Variants in EEF1AKMT3 observed in about 807,000 individuals in gnomAD.
The protein encoded by EEF1AKMT3 is eEF1A-KMT3.
In EEF1AKMT3, 17 loss-of-function variants were observed where a neutral mutation model predicts 17.8. The ratio of observed to expected loss-of-function variants is 0.96; its 90% CI spans 0.65 to 1.43. The LOEUF is 1.43. EEF1AKMT3 is among the 40% of genes most tolerant of loss of function. EEF1AKMT3 has a pLI of 0.00. For missense variants in EEF1AKMT3, 244 were observed against 285.8 expected (o/e 0.85, Z 1.06); for synonymous variants, 116 against 126.5 (o/e 0.92, Z 0.56).
At chr12:57,778,049 G>A (rs1371695576) in intron 2 of EEF1AKMT3, among the ~76,000 whole-genome samples, 1 of 151,282 alleles carries the variant, frequency 6.6e-6, no homozygotes, top group Non-Finnish European at 1.5e-5. Context: ...TGCCCCGTTG[G>A]TGATCATGAC....
At chr12:57,778,893 C>T (rs1306592606) in intron 2 of EEF1AKMT3, among the ~76,000 whole-genome samples, 1 of 152,046 alleles carries the variant, frequency 6.6e-6, no homozygotes, top group African/African-American at 2.4e-5. Context: ...GAGTCTTGCA[C>T]TTGTTGCCCA....
intron 2 of EEF1AKMT3, among the ~76,000 whole-genome samples, chr12:57,778,293 C>CTTTTTGTTTTTTTTTTT (rs1955492463): frequency 2.3e-5 from 1 of 43,994 alleles, no homozygotes; most frequent in Non-Finnish European, 3.9e-5. Context: ...CCATCCTGAG[C>CTTTTTGTTTTTTTTTTT]TTTTTTTTTT....
Position 57,780,688 on chromosome 12 carries a change from G to C in EEF1AKMT3, c.*42G>C. ...CTTCTCAATCTCTTGCTCTAATGAA[G>C]GAACTGTGTATCTCAAAAACCATAT... On this transcript the variant is annotated 3_prime_UTR_variant, in exon 3 of 3. Transcript: ENST00000300209. The C allele has an allele frequency of 6.3e-7, 1 of 1,594,098 alleles. No individual in the cohort carries two copies. Among genetic ancestry groups the C allele is most frequent in the Non-Finnish European group, 8.5e-7 (1 of 1,178,014 alleles).
rs990107059 is a variant in EEF1AKMT3, at chr12:57,772,961, T to C, written c.178-56T>C. The C allele has an allele frequency of 2.5e-6, 4 of 1,612,996 alleles. No homozygotes were observed. Among genetic ancestry groups the C allele is most frequent in the Non-Finnish European group, 3.4e-6 (4 of 1,179,150 alleles). On this transcript the variant is annotated intron_variant, in intron 1 of 2. Coordinates refer to ENST00000300209, the MANE Select transcript of EEF1AKMT3 (RefSeq NM_015433.3). The surrounding 1 kb of genome is among the most constrained non-coding windows in gnomAD (Gnocchi z 4.1). ...GGAGGTCCAGATCCCGGACTCCGCC[T>C]CTCCCATATGGAGCCATCCTCACGA...
chr12:57,780,466 A>G lies in EEF1AKMT3; in HGVS notation c.501A>G (p.Gln167=). ...TCCCTCTGCTGCTGGGGACCCTCCA[A>G]CACCTGTGCAGGCCCCATGGCACCA... ...PTFPLLLGTL[Q]HLCRPHGTIY... Residue 167 remains glutamine, a synonymous_variant, in exon 3 of 3, where the codon CAA becomes CAG. Transcript: ENST00000300209. 6.2e-7 allele frequency: 1 copy of G among 1,614,188 alleles called. No individual in the cohort carries two copies.
Position 57,772,898 on chromosome 12 carries a change from C to T in EEF1AKMT3, c.174C>T (p.Asp58=). The T allele has an allele frequency of 1.2e-6, 2 of 1,613,868 alleles. No individual in the cohort carries two copies. Among genetic ancestry groups the T allele is most frequent in the Non-Finnish European group, 1.7e-6 (2 of 1,179,866 alleles). ...TCGGGGTGGCGGCGCGCGTGTGGGACGCGGTGAGGAATGGGCTGCGCCGGG... is the reference window on the plus strand; with the variant it reads ...TCGGGGTGGCGGCGCGCGTGTGGGATGCGGTGAGGAATGGGCTGCGCCGGG... ...SRLGVAARVW[D]AALSLCNYFE... The change falls in exon 1 of 3, where the codon GAC becomes GAT. Residue 58 remains aspartate, a synonymous_variant. Coordinates refer to ENST00000300209, the MANE Select transcript of EEF1AKMT3 (RefSeq NM_015433.3). This position sits in a 1 kb window ranked among gnomAD's most constrained non-coding sequence, Gnocchi z 4.1.
rs113423250 is a variant in EEF1AKMT3 at position 57,780,255 on chromosome 12, G to C, written c.290G>C (p.Gly97Ala). Reference sequence around the variant, plus strand: ...ATTTTTCCTCCTTCCTCTCTCTCAGGGGGGGATGTTACCATCACTGACCTG... The same window carrying C: ...ATTTTTCCTCCTTCCTCTCTCTCAGCGGGGGATGTTACCATCACTGACCTG... ...GIVGILAALQ[G>A]GDVTITDLPL... The change falls in exon 3 of 3, where the codon GGG becomes GCG. Residue 97 changes from glycine (G) to alanine (A), a missense_variant and splice_region_variant. Coordinates refer to ENST00000300209, the MANE Select transcript of EEF1AKMT3 (RefSeq NM_015433.3). 1.5e-3 allele frequency: 2,344 copies of C among 1,611,630 alleles called. 1 individual carries two copies. Among genetic ancestry groups the C allele is most frequent in the Non-Finnish European group, 1.7e-3 (2,023 of 1,179,444 alleles).
chr12:57,775,506 C>T (rs974797608), intron 2 of EEF1AKMT3, among the ~76,000 whole-genome samples: 3 of 152,080 alleles, frequency 2.0e-5, no homozygotes, highest in East Asian at 1.9e-4. Context: ...CTCAGCCTCC[C>T]GAGTAGCTGG....
At position 57,781,683 on chromosome 12, in the gene EEF1AKMT3, C is replaced by G. The variant is rs1025957663; in HGVS notation, c.*1037C>G. The G allele has an allele frequency of 2.0e-5, 3 of 152,168 alleles. No homozygotes were observed. Among genetic ancestry groups the G allele is most frequent in the Non-Finnish European group, 2.9e-5 (2 of 68,056 alleles). 9.4% of individuals were successfully genotyped at this position (152,168 alleles called of 1,614,324 possible). ...TTGATTTTTCTTTAGCTTCATCAGT[C>G]CTTCCTTCCTAATCTCTAATCCCCT... On this transcript the variant is annotated 3_prime_UTR_variant, in exon 3 of 3. Coordinates refer to ENST00000300209, the MANE Select transcript of EEF1AKMT3 (RefSeq NM_015433.3).
intron 2 of EEF1AKMT3, among the ~76,000 whole-genome samples, chr12:57,773,561 G>A (rs1179015777): frequency 6.6e-6 from 1 of 152,116 alleles, no homozygotes; most frequent in Non-Finnish European, 1.5e-5. Context: ...CGAAGTAGCT[G>A]GAATTACAGG....
rs967771167 is a variant in EEF1AKMT3, at chr12:57,780,935, G to A, written c.*289G>A. ...GATGGTAAGGTATCCAGGATTTTTA[G>A]GGGGTAAGGGAGATATATGGGATGT... is the stretch of plus-strand genomic sequence containing the variant. On this transcript the variant is annotated 3_prime_UTR_variant, in exon 3 of 3. Transcript: ENST00000300209. 9 of 483,314 alleles carry A rather than the reference G, an allele frequency of 1.9e-5. No individual in the cohort carries two copies. The highest frequency in any genetic ancestry group is 3.9e-5 in the African/African-American group (2 of 51,462). The allele number at this position is 483,314 out of a possible 1,614,324, so 29.9% of individuals were successfully genotyped here.
chr12:57,779,474 C>G (rs1433929851), intron 2 of EEF1AKMT3, among the ~76,000 whole-genome samples: 1 of 152,074 alleles, frequency 6.6e-6, no homozygotes, highest in Non-Finnish European at 1.5e-5. Context: ...CCTAGTACTT[C>G]TTGCTTCTCT....
chr12:57,772,688 C>T lies in EEF1AKMT3; in HGVS notation c.-37C>T. ...CCGCTCCGGATCCGGGATCTGAGCG[C>T]CGGCCGCGGTGCCCAGGCACTCCCT... On this transcript the variant is annotated 5_prime_UTR_variant, in exon 1 of 3. Transcript: ENST00000300209. The surrounding 1 kb of genome is among the most constrained non-coding windows in gnomAD (Gnocchi z 4.1). The T allele has an allele frequency of 6.3e-7, 1 of 1,582,956 alleles. No individual in the cohort carries two copies. Among genetic ancestry groups the T allele is most frequent in the Non-Finnish European group, 8.6e-7 (1 of 1,164,504 alleles).
rs375179429 is a variant in EEF1AKMT3 at position 57,780,833 on chromosome 12, C to T, written c.*187C>T. The T allele has an allele frequency of 1.4e-6, 1 of 716,422 alleles. No individual in the cohort carries two copies. 44.4% of individuals were successfully genotyped at this position (716,422 alleles called of 1,614,324 possible). A position where few individuals can be genotyped will look rare whatever the true frequency, so the allele number is the denominator to read the frequency against. On this transcript the variant is annotated 3_prime_UTR_variant, in exon 3 of 3. Coordinates refer to ENST00000300209, the MANE Select transcript of EEF1AKMT3 (RefSeq NM_015433.3). ...GCAGGTGCAGTGAGGTGCCTGCTTA[C>T]AAGGAATCCCAGAGTTCTGGCAGCA...
At chr12:57,779,310 ATT>A (rs1449541373) in intron 2 of EEF1AKMT3, among the ~76,000 whole-genome samples, 1 of 151,878 alleles carries the variant, frequency 6.6e-6, no homozygotes, top group Non-Finnish European at 1.5e-5. Context: ...TGTACAGTGT[ATT>A]TTATTTTATT....
intron 2 of EEF1AKMT3, chr12:57,774,487 A>T (rs981395668): frequency 5.3e-6 from 3 of 563,106 alleles, no homozygotes; most frequent in African/African-American, 3.8e-5. Flanking sequence ...TCTCAAAAAT[A>T]AAAAAAGGGA....
intron 2 of EEF1AKMT3, among the ~76,000 whole-genome samples, chr12:57,778,855 C>T (rs775455278): frequency 2.0e-5 from 3 of 152,064 alleles, no homozygotes; most frequent in African/African-American, 2.4e-5. Context: ...AGCATGCCAG[C>T]GTGTGCCATT....
intron 2 of EEF1AKMT3, among the ~76,000 whole-genome samples, chr12:57,777,724 A>G (rs1202689891): frequency 6.6e-6 from 1 of 152,128 alleles, no homozygotes; most frequent in Admixed American, 6.5e-5. Flanking sequence ...TCATGCCTTT[A>G]AATGTCCTGT....
At chr12:57,774,341 A>C (rs1364469951) in intron 2 of EEF1AKMT3, among the ~76,000 whole-genome samples, 1 of 152,132 alleles carries the variant, frequency 6.6e-6, no homozygotes, top group Admixed American at 6.5e-5. Context: ...TTAGCCGAGC[A>C]TGATGGCTTA....
Sources: allele counts gnomAD v4.1 joint callset (sites outside exome capture counted in the v4.1 genomes callset), GRCh38; gene constraint gnomAD v4.1.1; non-coding constraint Gnocchi (gnomAD v3.1); transcripts MANE v1.5; gene names NCBI Gene and HGNC (gene_info 2026-07-23, HGNC 2026-07-21).